EPHA6: variants seen among roughly 807,000 people sequenced by gnomAD.
EPHA6 encodes ephrin type-A receptor 6.
In EPHA6, 50 loss-of-function variants were observed where a neutral mutation model predicts 112.0. That is an observed-to-expected ratio of 0.45 (90% CI 0.36 to 0.56). The LOEUF (loss-of-function observed/expected upper bound fraction) is 0.56. Among genes scored for constraint, EPHA6 ranks in the 20% least tolerant of loss-of-function variants. The probability of loss-of-function intolerance (pLI) is 0.00; values close to 1 mark genes in which losing one functional copy is unlikely to be tolerated. For missense variants in EPHA6, 1,280 were observed against 1,417.4 expected, an observed-to-expected ratio of 0.90 and a Z score of 1.56; for synonymous variants, 529 against 490.7, an observed-to-expected ratio of 1.08 and a Z score of -1.03.
At chr3:97,412,765 A>T (rs571121966) in intron 6 of EPHA6, among the ~76,000 whole-genome samples, 2 of 152,182 alleles carry the variant, frequency 1.3e-5, no homozygotes, top group African/African-American at 4.8e-5. Context: ...AAAAGAGAAA[A>T]AATATAAAGC....
At chr3:96,999,586 C>T (rs751232072) in intron 3 of EPHA6, among the ~76,000 whole-genome samples, 13 of 151,892 alleles carry the variant, frequency 8.6e-5, no homozygotes, top group Non-Finnish European at 1.5e-4. Flanking sequence ...TTGTTCTTAG[C>T]TCAGTAGTCA....
chr3:97,552,579 G>C (rs1375241265), intron 11 of EPHA6, among the ~76,000 whole-genome samples: 2 of 152,060 alleles, frequency 1.3e-5, no homozygotes, highest in Non-Finnish European at 2.9e-5. Flanking sequence ...TTTTAAAAAA[G>C]GACATATTAT....
intron 2 of EPHA6, among the ~76,000 whole-genome samples, chr3:96,936,999 A>C (rs542126235): frequency 1.2e-4 from 19 of 152,148 alleles, no homozygotes; most frequent in African/African-American, 3.9e-4. Flanking sequence ...TTTCTTAATC[A>C]AGTCTATCCT....
At chr3:97,532,280 T>A in intron 10 of EPHA6, 78 bp from the exon 11 acceptor site, 1 of 1,258,726 alleles carries the variant, frequency 7.9e-7, no homozygotes, top group Admixed American at 2.4e-5. Flanking sequence ...AAAAAGTATG[T>A]CACTGTATGA....
chr3:97,674,997 C>T (rs764626176), intron 14 of EPHA6, among the ~76,000 whole-genome samples: 4 of 152,108 alleles, frequency 2.6e-5, no homozygotes, highest in Non-Finnish European at 5.9e-5. Context: ...GGGATTTTTG[C>T]TCCCAAACAG....
chr3:97,555,534 A>G (rs1167624284), intron 11 of EPHA6, among the ~76,000 whole-genome samples: 1 of 152,096 alleles, frequency 6.6e-6, no homozygotes, highest in African/African-American at 2.4e-5. Flanking sequence ...GAACTAGTTT[A>G]CAGTCCCAAC....
chr3:96,928,189 G>A (rs1479579972), intron 2 of EPHA6, among the ~76,000 whole-genome samples: 1 of 152,132 alleles, frequency 6.6e-6, no homozygotes, highest in Non-Finnish European at 1.5e-5. Context: ...GACCATATCA[G>A]TTCTCAAGTT....
chr3:97,449,567 A>C (rs1344333072), intron 7 of EPHA6, among the ~76,000 whole-genome samples: 1 of 152,120 alleles, frequency 6.6e-6, no homozygotes, highest in Non-Finnish European at 1.5e-5. Context: ...AATGACATTA[A>C]ATATTTTACA....
chr3:97,352,271 C>A (rs2083852189), intron 5 of EPHA6, among the ~76,000 whole-genome samples: 1 of 151,872 alleles, frequency 6.6e-6, no homozygotes, highest in Non-Finnish European at 1.5e-5. Flanking sequence ...AGCAGTAGTT[C>A]CCCCAACAGG....
At chr3:97,592,294 A>C (rs982182775) in intron 11 of EPHA6, among the ~76,000 whole-genome samples, 3 of 152,220 alleles carry the variant, frequency 2.0e-5, no homozygotes, top group Non-Finnish European at 4.4e-5. Context: ...GCAAATAAAC[A>C]ACATCAATGA....
In EPHA6 at chr3:97,750,482, G is replaced by A. The variant is rs1576402082; in HGVS notation, c.*1781G>A. On this transcript the variant is annotated 3_prime_UTR_variant, in exon 18 of 18. Transcript: ENST00000389672. ...AGCGATTCTCCTGCCTCAGCCACCCGAGTAGCTGGGATTACAGGCGCCTGC... is the reference window on the plus strand; with the variant it reads ...AGCGATTCTCCTGCCTCAGCCACCCAAGTAGCTGGGATTACAGGCGCCTGC... Among the ~76,000 whole-genome samples the A allele has an allele frequency of 2.6e-5, 4 of 151,056 alleles. No individual in the cohort carries two copies. The highest frequency in any genetic ancestry group is 2.2e-4 in the South Asian group (1 of 4,592).
intron 5 of EPHA6, among the ~76,000 whole-genome samples, chr3:97,377,963 C>T (rs1415152758): frequency 6.6e-6 from 1 of 152,168 alleles, no homozygotes; most frequent in Non-Finnish European, 1.5e-5. Context: ...GAAATTCCAG[C>T]TGCCAGCAAA....
At chr3:97,698,692 C>T (rs1281054740) in intron 14 of EPHA6, among the ~76,000 whole-genome samples, 1 of 152,218 alleles carries the variant, frequency 6.6e-6, no homozygotes, top group Non-Finnish European at 1.5e-5. Context: ...AAGCCTGCAT[C>T]TAAATCTTGA....
Position 96,987,795 on chromosome 3 carries a change from C to T in EPHA6, c.916C>T (p.Arg306Cys), listed in dbSNP as rs1322776336. The part of the protein sequence containing the change: ...VFYKKCPFTV[R>C]NLAMFPDTIP... ...CTACAAGAAATGCCCCTTCACTGTT[C>T]GTAACTTGGCCATGTTTCCTGATAC... is the stretch of plus-strand genomic sequence containing the variant. Residue 306 changes from arginine (R) to cysteine (C), a missense_variant, in exon 3 of 18, where the codon CGT becomes TGT. Coordinates refer to ENST00000389672, the MANE Select transcript of EPHA6 (RefSeq NM_001080448.3). The T allele has an allele frequency of 2.5e-6, 4 of 1,613,958 alleles. No individual in the cohort carries two copies. Among genetic ancestry groups the T allele is most frequent in the Non-Finnish European group, 3.4e-6 (4 of 1,179,896 alleles).
At chr3:96,844,236 CTA>C (rs1402536890) in intron 1 of EPHA6, among the ~76,000 whole-genome samples, 1 of 151,994 alleles carries the variant, frequency 6.6e-6, no homozygotes, top group Non-Finnish European at 1.5e-5. Context: ...TTTCCTCAAA[CTA>C]TGTGTCTGTC....
chr3:97,665,924 G>A (rs992293574), intron 14 of EPHA6, among the ~76,000 whole-genome samples: 1 of 152,160 alleles, frequency 6.6e-6, no homozygotes, highest in Non-Finnish European at 1.5e-5. Flanking sequence ...AGGTGTGAGA[G>A]TGTGTGCCTG....
intron 15 of EPHA6, among the ~76,000 whole-genome samples, chr3:97,735,613 A>G (rs1381780488): frequency 6.6e-6 from 1 of 152,004 alleles, no homozygotes; most frequent in Non-Finnish European, 1.5e-5. Context: ...TCTGATGTTT[A>G]TTTGGGTTTT....
chr3:97,677,870 A>T (rs1008303457), intron 14 of EPHA6, among the ~76,000 whole-genome samples: 1 of 152,154 alleles, frequency 6.6e-6, no homozygotes, highest in Non-Finnish European at 1.5e-5. Context: ...AAAGAAGAGG[A>T]GTTAAAAGAA....
intron 10 of EPHA6, among the ~76,000 whole-genome samples, chr3:97,497,188 T>G (rs1169336793): frequency 6.6e-6 from 1 of 152,172 alleles, no homozygotes; most frequent in Non-Finnish European, 1.5e-5. Flanking sequence ...TCTGTTCTGG[T>G]CAAAGTAAAA....
Sources: gnomAD v4.1 joint callset for allele counts (sites outside exome capture counted in the v4.1 genomes callset) on GRCh38, gnomAD v4.1.1 for gene constraint, MANE v1.5 for transcripts, NCBI Gene and HGNC (gene_info 2026-07-23, HGNC 2026-07-21) for gene names.